The following RPS6KA5 variants were observed in gnomAD, a reference collection of about 807,000 sequenced individuals.
RPS6KA5 encodes the protein ribosomal protein S6 kinase A5.
In RPS6KA5, 27 loss-of-function variants were observed where a neutral mutation model predicts 85.5. The observed-to-expected ratio is 0.32, with a 90% CI of 0.23 to 0.44. The LOEUF (loss-of-function observed/expected upper bound fraction) is 0.44, where lower values mean the gene tolerates loss of function less well. Among genes scored for constraint, RPS6KA5 ranks in the 20% least tolerant of loss-of-function variants. RPS6KA5 has a pLI of 1.00. For missense variants in RPS6KA5, 811 were observed against 980.9 expected (o/e 0.83, Z 2.31); for synonymous variants, 334 against 348.2 (o/e 0.96, Z 0.46).
At chr14:90,930,427 G>A (rs1387111674) in intron 5 of RPS6KA5, among the ~76,000 whole-genome samples, 1 of 152,092 alleles carries the variant, frequency 6.6e-6, no homozygotes, top group Admixed American at 6.6e-5. Flanking sequence ...ACCTAGAACT[G>A]TAAAAATCCT....
intron 4 of RPS6KA5, among the ~76,000 whole-genome samples, chr14:90,946,375 T>C (rs1456044439): frequency 6.6e-6 from 1 of 152,112 alleles, no homozygotes; most frequent in Non-Finnish European, 1.5e-5. Context: ...CTAAGATTCC[T>C]ACCCTTGAAC....
intron 3 of RPS6KA5, among the ~76,000 whole-genome samples, chr14:90,970,298 G>A (rs1352424772): frequency 6.6e-6 from 1 of 152,138 alleles, no homozygotes; most frequent in African/African-American, 2.4e-5. Flanking sequence ...TCATACTAGT[G>A]ACTGTAATAT....
At chr14:90,924,150 C>A (rs10147911) in intron 5 of RPS6KA5, among the ~76,000 whole-genome samples, 6 of 151,902 alleles carry the variant, frequency 3.9e-5, no homozygotes, top group Non-Finnish European at 4.4e-5. Context: ...GTTGAGAAGT[C>A]CCAATCACTG....
At chr14:90,987,015 T>A (rs1345842308) in intron 2 of RPS6KA5, among the ~76,000 whole-genome samples, 1 of 152,178 alleles carries the variant, frequency 6.6e-6, no homozygotes, top group Non-Finnish European at 1.5e-5. Context: ...ATAAATAAAA[T>A]TGTATTTACA....
Position 91,020,614 on chromosome 14 carries a change from T to TTGTGTGTGTGTGTGTG in RPS6KA5, c.104-19471_104-19456dup, listed in dbSNP as rs71117396. Among the ~76,000 whole-genome samples, 45 of 91,322 alleles carry TTGTGTGTGTGTGTGTG rather than the reference T, an allele frequency of 4.9e-4. 4 individuals carry two copies. The East Asian group carries it at 0.013, about 25-fold the overall frequency. The allele number at this position is 91,322 out of a possible 152,430, so 59.9% of individuals were successfully genotyped here. On this transcript the variant is annotated intron_variant, in intron 1 of 16. Coordinates refer to ENST00000614987, the MANE Select transcript of RPS6KA5 (RefSeq NM_004755.4). The stretch of plus-strand genomic sequence containing the variant: ...TGTGTATGTGTATGTATATATCCTA[T>TTGTGTGTGTGTGTGTG]TGTGTGTGTGTGTGTGTGTGTGTGT...
rs1199820517 is a variant in RPS6KA5, at chr14:90,978,435, C to T, written c.265G>A (p.Val89Ile). Reference sequence around the variant, plus strand: ...TGCTCTGTGGTTTTGGCCTTTTGAACGATTGTTGCCTTTTTCAAAACTTTC... The same window carrying T: ...TGCTCTGTGGTTTTGGCCTTTTGAATGATTGTTGCCTTTTTCAAAACTTTC... ...AMKVLKKATI[V>I]QKAKTTEHTR... Residue 89 changes from valine (V) to isoleucine (I), a missense_variant, in exon 3 of 17, where the codon GTT (valine) becomes ATT (isoleucine). By Grantham distance (29) the Val-to-Ile change is conservative. Transcript: ENST00000614987. 16 of 1,613,816 alleles carry T rather than the reference C, an allele frequency of 9.9e-6. No homozygotes were observed. Among genetic ancestry groups the T allele is most frequent in the Middle Eastern group, 1.7e-4 (1 of 6,058 alleles).
chr14:91,006,238 A>G (rs2041013816), intron 1 of RPS6KA5, among the ~76,000 whole-genome samples: 1 of 152,122 alleles, frequency 6.6e-6, no homozygotes, highest in Non-Finnish European at 1.5e-5. Context: ...TTTTTGCCTC[A>G]AATTTCTTCC....
rs146264340 is a variant in RPS6KA5, at chr14:90,867,877, G to A, written c.*4197C>T. The A allele has an allele frequency of 6.6e-6, 1 of 152,312 alleles. No individual in the cohort carries two copies. Among genetic ancestry groups the A allele is most frequent in the African/African-American group, 2.4e-5 (1 of 41,574 alleles). The allele number at this position is 152,312 out of a possible 1,614,324, so 9.4% of individuals were successfully genotyped here. ...GAAACAGGGTGGACAACAGCCTTGTGTAGGGGAAGCATTTGGAATGGTAAT... is the reference window on the plus strand; with the variant it reads ...GAAACAGGGTGGACAACAGCCTTGTATAGGGGAAGCATTTGGAATGGTAAT... On this transcript the variant is annotated 3_prime_UTR_variant, in exon 17 of 17. Coordinates refer to ENST00000614987, the MANE Select transcript of RPS6KA5 (RefSeq NM_004755.4).
Position 90,852,182 on chromosome 14 carries a change from C to T in RPS6KA5, c.*19892G>A, listed in dbSNP as rs1399591286. 3 of 140,446 alleles carry T rather than the reference C, an allele frequency of 2.1e-5. No homozygotes were observed. The highest frequency in any genetic ancestry group is 4.5e-5 in the Non-Finnish European group (3 of 66,192). 8.7% of individuals were successfully genotyped at this position (140,446 alleles called of 1,614,324 possible). On this transcript the variant is annotated 3_prime_UTR_variant, in exon 17 of 17. Coordinates refer to ENST00000614987, the MANE Select transcript of RPS6KA5 (RefSeq NM_004755.4). ...CGATCTTGGCTCACTGCAAGTTCTG[C>T]TTCCCGGGTTCACGCCATTCTCCTG...
chr14:91,012,902 T>C (rs1296704430), intron 1 of RPS6KA5, among the ~76,000 whole-genome samples: 1 of 152,196 alleles, frequency 6.6e-6, no homozygotes, highest in Non-Finnish European at 1.5e-5. Context: ...AAGGGGATCT[T>C]TATCTCACCT....
In RPS6KA5 at chr14:90,859,795, AG is replaced by A. The variant is rs1381582770; in HGVS notation, c.*12278del. 6.6e-6 allele frequency: 1 copy of A among 152,350 alleles called. No individual in the cohort carries two copies. Among genetic ancestry groups the A allele is most frequent in the Non-Finnish European group, 1.5e-5 (1 of 68,024 alleles). 9.4% of individuals were successfully genotyped at this position (152,350 alleles called of 1,614,324 possible). ...AGGAAGGACATCAACCAACAGATTC[AG>A]GAAGTTTACCAATCTTAGGATGGAT... On this transcript the variant is annotated 3_prime_UTR_variant, in exon 17 of 17. Transcript: ENST00000614987.
At position 90,858,214 on chromosome 14, in the gene RPS6KA5, CTGAT is replaced by C. The variant is rs2032377971; in HGVS notation, c.*13856_*13859del. 1 of 151,976 alleles carries C rather than the reference CTGAT, an allele frequency of 6.6e-6. No homozygotes were observed. The highest frequency in any genetic ancestry group is 1.9e-4 in the East Asian group (1 of 5,188). The allele number at this position is 151,976 out of a possible 1,614,324, so 9.4% of individuals were successfully genotyped here. A position where few individuals can be genotyped will look rare whatever the true frequency, so the allele number is the denominator to read the frequency against. ...TTCTTTGAGGCTAAAGCAAATCTGA[CTGAT>C]TTTCAATGTGAAAATAAAATATAAA... On this transcript the variant is annotated 3_prime_UTR_variant, in exon 17 of 17. Transcript: ENST00000614987.
At chr14:90,947,585 G>T in intron 3 of RPS6KA5, 35 bp from the exon 4 acceptor site, 2 of 1,223,912 alleles carry the variant, frequency 1.6e-6, no homozygotes, top group Non-Finnish European at 1.2e-6. Context: ...TCTTAAACAT[G>T]CATTCATAAA....
chr14:90,865,700 G>A lies in RPS6KA5; in HGVS notation c.*6374C>T, dbSNP rs936695215. Reference sequence around the variant, plus strand: ...TGGATGTCAGTGTTTGGAGCAGTGGGCAGCAGGAAAAGCTGGGGAAGGAGT... The same window carrying A: ...TGGATGTCAGTGTTTGGAGCAGTGGACAGCAGGAAAAGCTGGGGAAGGAGT... On this transcript the variant is annotated 3_prime_UTR_variant, in exon 17 of 17. Transcript: ENST00000614987. 3 of 152,246 alleles carry A rather than the reference G, an allele frequency of 2.0e-5. No individual in the cohort carries two copies. The highest frequency in any genetic ancestry group is 7.2e-5 in the African/African-American group (3 of 41,454). 9.4% of individuals were successfully genotyped at this position (152,246 alleles called of 1,614,324 possible).
chr14:91,047,450 T>C (rs180842525), intron 1 of RPS6KA5, among the ~76,000 whole-genome samples: 9 of 152,206 alleles, frequency 5.9e-5, no homozygotes, highest in African/African-American at 1.7e-4. Context: ...CAGAAAGGAA[T>C]GTCTCCCTGC....
At chr14:90,999,843 G>A (rs113262462) in intron 2 of RPS6KA5, among the ~76,000 whole-genome samples, 7 of 152,314 alleles carry the variant, frequency 4.6e-5, no homozygotes, top group African/African-American at 1.4e-4. Context: ...TCTGAGCAGC[G>A]AAAGCGGTGG....
At chr14:90,942,964 G>A (rs2037653849) in intron 5 of RPS6KA5, 114 bp downstream of exon 5, 1 of 698,194 alleles carries the variant, frequency 1.4e-6, no homozygotes, top group South Asian at 1.7e-5. Context: ...GGACAAATCT[G>A]CACAAAAGTT....
rs897069879 is a variant in RPS6KA5, at chr14:90,871,072, G to T, written c.*1002C>A. On this transcript the variant is annotated 3_prime_UTR_variant, in exon 17 of 17. Coordinates refer to ENST00000614987, the MANE Select transcript of RPS6KA5 (RefSeq NM_004755.4). ...CTACAGGAGGAAATTCCTCACTGTA[G>T]TACAACACAGTGTACAAATATGAAG... The T allele has an allele frequency of 6.6e-6, 1 of 152,434 alleles. No individual in the cohort carries two copies. The highest frequency in any genetic ancestry group is 1.5e-5 in the Non-Finnish European group (1 of 67,986). 9.4% of individuals were successfully genotyped at this position (152,434 alleles called of 1,614,324 possible).
At chr14:90,922,575 G>A (rs1472163515) in intron 6 of RPS6KA5, among the ~76,000 whole-genome samples, 1 of 152,136 alleles carries the variant, frequency 6.6e-6, no homozygotes, top group Admixed American at 6.5e-5. Flanking sequence ...AGCCTTCCGA[G>A]TAGCTGAAAT....
Sources: gnomAD v4.1 joint callset for allele counts (sites outside exome capture counted in the v4.1 genomes callset) on GRCh38, gnomAD v4.1.1 for gene constraint, MANE v1.5 for transcripts, NCBI Gene and HGNC (gene_info 2026-07-23, HGNC 2026-07-21) for gene names.